Variants in TAFA2 observed in about 807,000 individuals in gnomAD.
TAFA2 encodes TAFA chemokine like family member 2.
In TAFA2, 7 loss-of-function variants were observed where a neutral mutation model predicts 18.8. That is an observed-to-expected ratio of 0.37 (90% CI 0.21 to 0.70). TAFA2 has a LOEUF of 0.70. TAFA2 is among the 30% of genes least tolerant of loss of function. TAFA2 has a pLI of 0.53. For synonymous variants in TAFA2, 60 were observed against 54.2 expected, an observed-to-expected ratio of 1.11 and a Z score of -0.47; for missense variants, 122 against 158.1, an observed-to-expected ratio of 0.77 and a Z score of 1.23.
chr12:62,000,552 A>G (rs1880345320), intron 1 of TAFA2, among the ~76,000 whole-genome samples: 1 of 146,530 alleles, frequency 6.8e-6, no homozygotes, highest in South Asian at 2.2e-4. Flanking sequence ...GTATGTGTTT[A>G]TATGGCAACT....
At chr12:62,244,315 T>C (rs550704466) in intron 1 of TAFA2, among the ~76,000 whole-genome samples, 1 of 150,906 alleles carries the variant, frequency 6.6e-6, no homozygotes, top group South Asian at 2.1e-4. Context: ...ATGCCACATA[T>C]ATATTATAGT....
At chr12:61,955,654 T>A (rs1303020112) in intron 1 of TAFA2, among the ~76,000 whole-genome samples, 9 of 108,550 alleles carry the variant, frequency 8.3e-5, no homozygotes, top group East Asian at 2.6e-4. Context: ...TATATATATA[T>A]ATATATATAT....
chr12:61,785,903 T>G (rs146546804), intron 2 of TAFA2, among the ~76,000 whole-genome samples: 329 of 151,412 alleles, frequency 2.2e-3, no homozygotes, highest in African/African-American at 7.1e-3. Flanking sequence ...AGTATGAAAC[T>G]TAAAAAAAAT....
At chr12:62,005,360 G>T (rs559947548) in intron 1 of TAFA2, among the ~76,000 whole-genome samples, 3 of 151,870 alleles carry the variant, frequency 2.0e-5, no homozygotes, top group African/African-American at 7.3e-5. Flanking sequence ...TATTGCTATC[G>T]TCTCCACTTT....
chr12:62,076,159 T>C (rs887250819), intron 1 of TAFA2, among the ~76,000 whole-genome samples: 1 of 152,226 alleles, frequency 6.6e-6, no homozygotes, highest in Admixed American at 6.5e-5. Flanking sequence ...GGTGTTGTTG[T>C]ATTAAAAGTT....
intron 4 of TAFA2, among the ~76,000 whole-genome samples, chr12:61,735,645 C>A (rs1868292004): frequency 1.3e-5 from 2 of 151,970 alleles, no homozygotes; most frequent in South Asian, 2.1e-4. Flanking sequence ...TTTCCCTCCT[C>A]TTTTGCCTTC....
chr12:62,094,282 T>C (rs1012318621), intron 1 of TAFA2, among the ~76,000 whole-genome samples: 7 of 152,028 alleles, frequency 4.6e-5, no homozygotes, highest in Admixed American at 3.9e-4. Flanking sequence ...AGCTAAGCTA[T>C]GAGGATGAAA....
intron 1 of TAFA2, among the ~76,000 whole-genome samples, chr12:62,033,916 T>C (rs961616301): frequency 6.6e-6 from 1 of 152,210 alleles, no homozygotes; most frequent in African/African-American, 2.4e-5. Flanking sequence ...ACAAAGTTTG[T>C]ATTTATTTTA....
intron 1 of TAFA2, among the ~76,000 whole-genome samples, chr12:62,068,871 A>G (rs1230829606): frequency 6.6e-6 from 1 of 152,144 alleles, no homozygotes; most frequent in East Asian, 1.9e-4. Context: ...GAAACTATGA[A>G]TTCATACTAA....
intron 4 of TAFA2, among the ~76,000 whole-genome samples, chr12:61,722,683 T>G (rs1017789055): frequency 1.3e-5 from 2 of 152,142 alleles, no homozygotes; most frequent in Non-Finnish European, 2.9e-5. Context: ...TTTTAAAAAT[T>G]TCATATATAC....
intron 1 of TAFA2, among the ~76,000 whole-genome samples, chr12:62,211,034 C>G (rs2062710952): frequency 6.6e-6 from 1 of 152,004 alleles, no homozygotes; most frequent in Admixed American, 6.5e-5. Flanking sequence ...GCTGTAGTGA[C>G]AAATTCAAGT....
At chr12:61,724,623 G>A (rs1870054175) in intron 4 of TAFA2, among the ~76,000 whole-genome samples, 1 of 152,020 alleles carries the variant, frequency 6.6e-6, no homozygotes, top group Non-Finnish European at 1.5e-5. Context: ...ACTTATAAGT[G>A]AGAACATACA....
chr12:61,719,862 G>T (rs1418717752), intron 4 of TAFA2, among the ~76,000 whole-genome samples: 2 of 152,120 alleles, frequency 1.3e-5, no homozygotes, highest in Non-Finnish European at 2.9e-5. Context: ...ACATGGAGAT[G>T]GAGCATTCTC....
At chr12:62,019,458 G>A (rs1166694365) in intron 1 of TAFA2, among the ~76,000 whole-genome samples, 3 of 147,132 alleles carry the variant, frequency 2.0e-5, no homozygotes, top group South Asian at 2.2e-4. Context: ...AAGAAAATGT[G>A]GCACATATAC....
chr12:61,760,225 AGG>A (rs1869474334), intron 2 of TAFA2, among the ~76,000 whole-genome samples: 1 of 151,386 alleles, frequency 6.6e-6, no homozygotes, highest in African/African-American at 2.4e-5. Context: ...AAGAGAAGAG[AGG>A]TAACCTTTTA....
chr12:61,893,701 A>G (rs1157271090), intron 1 of TAFA2, among the ~76,000 whole-genome samples: 2 of 152,242 alleles, frequency 1.3e-5, no homozygotes, highest in African/African-American at 4.8e-5. Flanking sequence ...ACATAAAAAT[A>G]TTCCACTTAT....
At chr12:62,259,668 C>T (rs902811148), upstream of TAFA2, 4 of 152,210 alleles carry the variant, frequency 2.6e-5, no homozygotes, top group Non-Finnish European at 4.4e-5. Flanking sequence ...ACGTTTTCTT[C>T]CTTTAGTATC....
chr12:61,724,412 G>T (rs1870043443), intron 4 of TAFA2, among the ~76,000 whole-genome samples: 1 of 149,840 alleles, frequency 6.7e-6, no homozygotes, highest in Non-Finnish European at 1.5e-5. Context: ...CAATACTTTT[G>T]GGGGAACAGG....
At chr12:61,896,738 AG>A in intron 1 of TAFA2, among the ~76,000 whole-genome samples, 1 of 152,330 alleles carries the variant, frequency 6.6e-6, no homozygotes, top group South Asian at 2.1e-4. Flanking sequence ...AGGGCTCAGC[AG>A]GCACTGAACA....
Sources: gnomAD v4.1 joint callset for allele counts (sites outside exome capture counted in the v4.1 genomes callset) on GRCh38, gnomAD v4.1.1 for gene constraint, MANE v1.5 for transcripts, NCBI Gene and HGNC (gene_info 2026-07-23, HGNC 2026-07-21) for gene names.